ANOS1: variants seen among roughly 807,000 people sequenced by gnomAD.
The protein encoded by ANOS1 is anosmin-1.
In ANOS1, 6 loss-of-function variants were observed where a neutral mutation model predicts 59.0. That is an observed-to-expected ratio of 0.10 (90% CI 0.06 to 0.20). The LOEUF is 0.20. ANOS1 is among the 10% of genes least tolerant of loss of function. ANOS1 has a pLI of 1.00. For missense variants in ANOS1, 433 were observed against 542.3 expected, an observed-to-expected ratio of 0.80 and a Z score of 2.00; for synonymous variants, 217 against 223.4, an observed-to-expected ratio of 0.97 and a Z score of 0.25.
intron 2 of ANOS1, among the ~76,000 whole-genome samples, chrX:8,645,399 G>T (rs1036928971): frequency 2.7e-5 from 3 of 111,696 alleles, no homozygotes; most frequent in African/African-American, 9.8e-5. Context: ...AATACTTCTC[G>T]TGTGGCCCCT....
intron 3 of ANOS1, among the ~76,000 whole-genome samples, chrX:8,606,858 C>T (rs1010997046): frequency 1.8e-5 from 2 of 112,891 alleles, no homozygotes; most frequent in Admixed American, 1.9e-4. Context: ...TGGCTCACGC[C>T]TGTAATCCCA....
chrX:8,599,683 G>C (rs1453738497), intron 3 of ANOS1, among the ~76,000 whole-genome samples: 1 of 111,708 alleles, frequency 9.0e-6, no homozygotes, highest in African/African-American at 3.3e-5. Flanking sequence ...TGCCAAACCT[G>C]CCAGCATGCT....
At chrX:8,591,104 T>C (rs1265491183) in intron 4 of ANOS1, among the ~76,000 whole-genome samples, 1 of 111,841 alleles carries the variant, frequency 8.9e-6, no homozygotes, top group Admixed American at 9.5e-5. Context: ...TAATTGATTT[T>C]AATAGAAGCA....
At chrX:8,536,980 C>T in intron 10 of ANOS1, 38 bp from the exon 11 acceptor site, 1 of 1,086,652 alleles carries the variant, frequency 9.2e-7, no homozygotes, top group Non-Finnish European at 1.3e-6. Flanking sequence ...AGCAATAAAT[C>T]TCATTAGGGA....
chrX:8,701,681 T>C (rs1245124903), intron 1 of ANOS1, among the ~76,000 whole-genome samples: 1 of 112,439 alleles, frequency 8.9e-6, no homozygotes, highest in Non-Finnish European at 1.9e-5. Context: ...CAATCTTGCT[T>C]CATGTACATT....
intron 1 of ANOS1, among the ~76,000 whole-genome samples, chrX:8,722,975 A>G (rs778102009): frequency 8.9e-6 from 1 of 112,302 alleles, no homozygotes; most frequent in South Asian, 3.7e-4. Context: ...CACCCTATTC[A>G]ACAAACGGTG....
chrX:8,648,297 C>G (rs1241822825), intron 2 of ANOS1, among the ~76,000 whole-genome samples: 3 of 110,243 alleles, frequency 2.7e-5, no homozygotes, highest in Non-Finnish European at 3.8e-5. Context: ...CCAGTCTGTA[C>G]TAAAAGTACA....
In ANOS1 at chrX:8,619,326, C is replaced by A. The variant is rs753317997; in HGVS notation, c.318+4282G>T. On this transcript the variant is annotated intron_variant, in intron 3 of 13. Transcript: ENST00000262648. ...TCATTTAAAAAATGACATTTATTGG[C>A]CGGGCAAGGTGGCTCACGCCTGTAA... 7.2e-5 allele frequency among the ~76,000 whole-genome samples: 8 copies of A among 111,445 alleles called. No homozygotes were observed. The South Asian group carries it at 2.6e-3, about 37-fold the overall frequency.
chrX:8,551,215 T>C (rs190951948), intron 9 of ANOS1, among the ~76,000 whole-genome samples: 161 of 111,903 alleles, frequency 1.4e-3, no homozygotes, highest in Non-Finnish European at 2.7e-3. Flanking sequence ...ATACAAAAGA[T>C]GAAACAGTGG....
At chrX:8,623,439 T>C (rs1424380274) in intron 3 of ANOS1, among the ~76,000 whole-genome samples, 169 bp downstream of exon 3, 1 of 111,233 alleles carries the variant, frequency 9.0e-6, no homozygotes, top group Non-Finnish European at 1.9e-5. Flanking sequence ...AGCCAGGTTT[T>C]AAGAAGGCTC....
At chrX:8,646,927 T>A (rs1260017332) in intron 2 of ANOS1, among the ~76,000 whole-genome samples, 2 of 87,876 alleles carry the variant, frequency 2.3e-5, no homozygotes, top group Non-Finnish European at 4.2e-5. Flanking sequence ...AGTGCGAACC[T>A]GTCTCAAAAA....
chrX:8,565,338 G>A (rs1930092229), intron 8 of ANOS1, among the ~76,000 whole-genome samples: 1 of 111,466 alleles, frequency 9.0e-6, no homozygotes, highest in African/African-American at 3.3e-5. Context: ...AAAGGATTTT[G>A]GCCTGAGAAG....
At chrX:8,533,539 G>A (rs1213890667) in intron 13 of ANOS1, among the ~76,000 whole-genome samples, 2 of 111,791 alleles carry the variant, frequency 1.8e-5, no homozygotes, top group Non-Finnish European at 1.9e-5. Flanking sequence ...AAAAATCAGA[G>A]TTAAAACTAT....
intron 3 of ANOS1, among the ~76,000 whole-genome samples, chrX:8,606,064 T>A (rs1397245732): frequency 9.0e-6 from 1 of 111,563 alleles, no homozygotes; most frequent in African/African-American, 3.3e-5. Flanking sequence ...CAAGAACAAA[T>A]GGGCTAGTAC....
chrX:8,651,725 C>T (rs147762182), intron 2 of ANOS1, among the ~76,000 whole-genome samples: 224 of 112,110 alleles, frequency 2.0e-3, no homozygotes, highest in African/African-American at 6.7e-3. Context: ...CGCCTTCCTA[C>T]CCACGTGGAA....
At chrX:8,647,751 G>A (rs926832351) in intron 2 of ANOS1, among the ~76,000 whole-genome samples, 4 of 111,875 alleles carry the variant, frequency 3.6e-5, no homozygotes, top group Non-Finnish European at 7.5e-5. Context: ...AGTGCACTTC[G>A]TATGTTCAAT....
At chrX:8,707,549 C>T (rs1360166605) in intron 1 of ANOS1, among the ~76,000 whole-genome samples, 1 of 109,948 alleles carries the variant, frequency 9.1e-6, no homozygotes, top group East Asian at 2.9e-4. Context: ...AGATACAGTA[C>T]CTAAAGAAAA....
intron 9 of ANOS1, among the ~76,000 whole-genome samples, chrX:8,543,384 A>T (rs1442343081): frequency 9.3e-6 from 1 of 108,071 alleles, no homozygotes; most frequent in Non-Finnish European, 1.9e-5. Context: ...GGGACTAACA[A>T]TGCCCACACT....
At chrX:8,675,283 A>G (rs2146882879) in intron 2 of ANOS1, among the ~76,000 whole-genome samples, 1 of 112,126 alleles carries the variant, frequency 8.9e-6, no homozygotes, top group East Asian at 2.8e-4. Flanking sequence ...TTCCATAGGC[A>G]TCATTTTTAG....
Sources: gnomAD v4.1 joint callset for allele counts (sites outside exome capture counted in the v4.1 genomes callset) on GRCh38, gnomAD v4.1.1 for gene constraint, MANE v1.5 for transcripts, NCBI Gene and HGNC (gene_info 2026-07-23, HGNC 2026-07-21) for gene names.